PLXNA2: variants seen among roughly 807,000 people sequenced by gnomAD.
PLXNA2 encodes the protein plexin-A2.
PLXNA2 carries 91 observed loss-of-function variants against 193.5 expected under a neutral mutation model. The ratio of observed to expected loss-of-function variants is 0.47; its 90% CI spans 0.40 to 0.56. The LOEUF (loss-of-function observed/expected upper bound fraction) is 0.56. Ranked by LOEUF, PLXNA2 falls within the 20% of genes least tolerant of loss-of-function variation. The pLI is 0.00. For synonymous variants in PLXNA2, 997 were observed against 1,027.3 expected (o/e 0.97, Z 0.56); for missense variants, 1,995 against 2,503.2 (o/e 0.80, Z 4.33).
At chr1:208,214,126 TAA>T (rs201843033) in intron 2 of PLXNA2, among the ~76,000 whole-genome samples, 1 of 144,956 alleles carries the variant, frequency 6.9e-6, no homozygotes. Context: ...ATTTTGGCGT[TAA>T]AAAAAAAAAA....
chr1:208,195,654 G>T (rs34105389), intron 3 of PLXNA2, among the ~76,000 whole-genome samples: 10 of 148,692 alleles, frequency 6.7e-5, no homozygotes, highest in South Asian at 2.2e-4. Flanking sequence ...TGTTTTTTGG[G>T]GGGGGGGGTT....
intron 1 of PLXNA2, among the ~76,000 whole-genome samples, chr1:208,229,421 AT>A (rs1440874708): frequency 2.0e-5 from 3 of 152,098 alleles, no homozygotes; most frequent in Non-Finnish European, 4.4e-5. Flanking sequence ...TTCAGCCTGA[AT>A]TGTCAAGAGC....
intron 12 of PLXNA2, among the ~76,000 whole-genome samples, chr1:208,066,057 T>A (rs1194790839): frequency 6.6e-6 from 1 of 151,726 alleles, no homozygotes; most frequent in Non-Finnish European, 1.5e-5. Flanking sequence ...TGTGAGTGAG[T>A]GTGTGTGTGG....
intron 4 of PLXNA2, among the ~76,000 whole-genome samples, chr1:208,125,175 G>GTTTA (rs1667935302): frequency 6.6e-6 from 1 of 152,172 alleles, no homozygotes; most frequent in Non-Finnish European, 1.5e-5. Flanking sequence ...GTCAGGCATT[G>GTTTA]TTTATTAACG....
At chr1:208,193,992 C>T (rs1443777905) in intron 3 of PLXNA2, among the ~76,000 whole-genome samples, 1 of 146,060 alleles carries the variant, frequency 6.8e-6, no homozygotes, top group Non-Finnish European at 1.6e-5. Flanking sequence ...GGATCATTCA[C>T]CTATGAGTCC....
intron 9 of PLXNA2, among the ~76,000 whole-genome samples, chr1:208,086,557 G>A (rs1666526265): frequency 6.6e-6 from 1 of 151,936 alleles, no homozygotes; most frequent in Non-Finnish European, 1.5e-5. Context: ...AGAGGGTCTG[G>A]ACACACCGGC....
chr1:208,198,996 A>T (rs1670451820), intron 3 of PLXNA2, among the ~76,000 whole-genome samples: 1 of 152,378 alleles, frequency 6.6e-6, no homozygotes, highest in Admixed American at 6.5e-5. Flanking sequence ...AAAACAAAAC[A>T]CTTAGCCCAG....
At position 208,082,628 on chromosome 1, in the gene PLXNA2, C is replaced by A; in HGVS notation, c.2299-120G>T. On this transcript the variant is annotated intron_variant, in intron 10 of 31. Coordinates refer to ENST00000367033, the MANE Select transcript of PLXNA2 (RefSeq NM_025179.4). This position sits in a 1 kb window ranked among gnomAD's most constrained non-coding sequence, Gnocchi z 4.2. The stretch of plus-strand genomic sequence containing the variant: ...TGACGCTCTTTCCCTGAATCCCAGT[C>A]ACTAATGCCAAGAGAATCCCACCCA... 1.3e-6 allele frequency: 1 copy of A among 750,432 alleles called. No homozygotes were observed. The highest frequency in any genetic ancestry group is 2.3e-6 in the Non-Finnish European group (1 of 436,724). The allele number at this position is 750,432 out of a possible 1,614,324, so 46.5% of individuals were successfully genotyped here. A position where few individuals can be genotyped will look rare whatever the true frequency, so the allele number is the denominator to read the frequency against.
In PLXNA2 at chr1:208,044,774, A is replaced by T. The variant is rs765012202; in HGVS notation, c.3640-32T>A. 1.3e-6 allele frequency: 2 copies of T among 1,544,044 alleles called. No homozygotes were observed. Among genetic ancestry groups the T allele is most frequent in the Admixed American group, 3.4e-5 (2 of 58,160 alleles). On this transcript the variant is annotated intron_variant, in intron 19 of 31. Transcript: ENST00000367033. This position sits in a 1 kb window ranked among gnomAD's most constrained non-coding sequence, Gnocchi z 4.9. ...ATTGTACACATACAGACGCACATGG[A>T]TGCACACAGGTGTAGAGCCCGGGCA...
chr1:208,042,291 G>C lies in PLXNA2; in HGVS notation c.4093C>G (p.Leu1365Val). The change falls in exon 22 of 32, where the codon CTG (leucine) becomes GTG (valine). Residue 1365 changes from leucine (L) to valine (V), a missense_variant. Physicochemically the swap from Leu to Val is conservative, Grantham distance 32 (BLOSUM62 1). Around this residue, in one of 3 missense-constraint regions of PLXNA2, gnomAD observed 1,291 missense variants for 1,673.6 expected, o/e 0.77. Coordinates refer to ENST00000367033, the MANE Select transcript of PLXNA2 (RefSeq NM_025179.4). ...FAQLINNKVF[L>V]LTFIRTLELQ... is the part of the protein sequence containing the mutation. ...TCCAGGGTGCGGATGAAGGTCAGCA[G>C]GAACACCTTGTTGTTGATGAGCTGG... is the stretch of plus-strand genomic sequence containing the variant. 1.9e-6 allele frequency: 3 copies of C among 1,614,216 alleles called. No homozygotes were observed. Among genetic ancestry groups the C allele is most frequent in the Non-Finnish European group, 2.5e-6 (3 of 1,180,040 alleles).
At chr1:208,201,973 A>ATTTTTTTTTTTTTTTTTTT (rs59313982) in intron 3 of PLXNA2, among the ~76,000 whole-genome samples, 15 of 132,624 alleles carry the variant, frequency 1.1e-4, no homozygotes, top group Non-Finnish European at 2.0e-4. Context: ...CAGGGCAAGA[A>ATTTTTTTTTTTTTTTTTTT]TTTTTTTTTT....
intron 3 of PLXNA2, among the ~76,000 whole-genome samples, chr1:208,168,972 CA>C (rs1669404426): frequency 6.6e-6 from 1 of 152,040 alleles, no homozygotes; most frequent in Non-Finnish European, 1.5e-5. Flanking sequence ...ATATTCATTT[CA>C]AAAGATACCC....
chr1:208,192,307 GGTGTGT>G (rs35987334), intron 3 of PLXNA2, among the ~76,000 whole-genome samples: 202 of 149,544 alleles, frequency 1.4e-3, no homozygotes, highest in African/African-American at 4.5e-3. Flanking sequence ...GTTTGGGGAT[GGTGTGT>G]GTGTGTGTGT....
intron 12 of PLXNA2, among the ~76,000 whole-genome samples, chr1:208,070,769 A>T (rs74152190): frequency 0.013 from 1,924 of 152,350 alleles, 50 homozygotes; most frequent in African/African-American, 0.042. Context: ...CTTCTATTTC[A>T]TAACAGTTGC....
chr1:208,124,432 A>G (rs1483688263), intron 4 of PLXNA2, among the ~76,000 whole-genome samples: 1 of 152,268 alleles, frequency 6.6e-6, no homozygotes, highest in South Asian at 2.1e-4. Flanking sequence ...TAATCCCAGC[A>G]CTTTGGGAAG....
Position 208,244,326 on chromosome 1 carries a change from GGCGGCGGCGGA to G in PLXNA2, c.-775_-765del. The G allele has an allele frequency of 4.9e-6, 1 of 204,022 alleles. No individual in the cohort carries two copies. The highest frequency in any genetic ancestry group is 9.6e-6 in the Non-Finnish European group (1 of 104,660). The allele number at this position is 204,022 out of a possible 1,614,324, so 12.6% of individuals were successfully genotyped here. ...CGGTGGCGGCGGCGGCGGCGGCGGC[GGCGGCGGCGGA>G]GGAGCCCTGAGCGCCGGCCTCCCTA... On this transcript the variant is annotated 5_prime_UTR_variant, in exon 1 of 32. Transcript: ENST00000367033.
chr1:208,072,600 C>A (rs1013770387), intron 12 of PLXNA2, among the ~76,000 whole-genome samples: 1 of 152,188 alleles, frequency 6.6e-6, no homozygotes, highest in Admixed American at 6.5e-5. Flanking sequence ...TAATGGCCAT[C>A]TCATTGGTGG....
At chr1:208,058,457 G>T (rs774101582) in intron 13 of PLXNA2, among the ~76,000 whole-genome samples, 1 of 152,148 alleles carries the variant, frequency 6.6e-6, no homozygotes, top group East Asian at 1.9e-4. Context: ...ACTCTGCACC[G>T]GGTCCTTTTA....
chr1:208,198,391 G>A (rs879192838), intron 3 of PLXNA2, among the ~76,000 whole-genome samples: 3 of 152,250 alleles, frequency 2.0e-5, no homozygotes, highest in Admixed American at 6.5e-5. Flanking sequence ...GGATGCATGG[G>A]TGATGGGCCC....
Sources: allele counts gnomAD v4.1 joint callset (sites outside exome capture counted in the v4.1 genomes callset), GRCh38; gene constraint gnomAD v4.1.1; regional missense constraint gnomAD v4.1.1; non-coding constraint Gnocchi (gnomAD v3.1); transcripts MANE v1.5; gene names NCBI Gene and HGNC (gene_info 2026-07-23, HGNC 2026-07-21).